The following LRMDA variants were observed in gnomAD, a reference collection of about 807,000 sequenced individuals.
LRMDA encodes the protein leucine-rich melanocyte differentiation-associated protein.
LRMDA carries 18 observed loss-of-function variants against 29.8 expected under a neutral mutation model. The observed-to-expected ratio is 0.60, with a 90% CI of 0.42 to 0.90. The LOEUF is 0.90. LRMDA is among the 40% of genes least tolerant of loss of function. The pLI is 0.00. For synonymous variants in LRMDA, 125 were observed against 109.4 expected (o/e 1.14, Z -0.89); for missense variants, 273 against 273.9 (o/e 1.00, Z 0.02).
intron 2 of LRMDA, among the ~76,000 whole-genome samples, chr10:75,925,164 G>A (rs1846098886): frequency 6.6e-6 from 1 of 152,176 alleles, no homozygotes; most frequent in Non-Finnish European, 1.5e-5. Context: ...CTTTAGCTAT[G>A]TAAGAGGATT....
chr10:75,663,870 ACT>A (rs1226077469), intron 2 of LRMDA, among the ~76,000 whole-genome samples: 1 of 152,096 alleles, frequency 6.6e-6, no homozygotes, highest in Admixed American at 6.5e-5. Flanking sequence ...CATGGCGAGG[ACT>A]GCTGGGGAGC....
At chr10:75,811,786 TC>T (rs1197716761) in intron 2 of LRMDA, among the ~76,000 whole-genome samples, 1 of 152,174 alleles carries the variant, frequency 6.6e-6, no homozygotes, top group Non-Finnish European at 1.5e-5. Flanking sequence ...ACACGGCAAA[TC>T]CACTTGCTGT....
chr10:76,229,149 A>G (rs1852013611), intron 5 of LRMDA, among the ~76,000 whole-genome samples: 2 of 152,216 alleles, frequency 1.3e-5, no homozygotes, highest in South Asian at 4.1e-4. Context: ...TATACCAAGT[A>G]TGTCTTTGTT....
At chr10:75,607,265 C>T (rs539584847) in intron 2 of LRMDA, among the ~76,000 whole-genome samples, 2 of 152,322 alleles carry the variant, frequency 1.3e-5, no homozygotes, top group South Asian at 4.1e-4. Context: ...TATTTATGAA[C>T]AAGGCCTTTC....
intron 2 of LRMDA, among the ~76,000 whole-genome samples, chr10:75,740,131 T>C (rs1339490000): frequency 6.6e-6 from 1 of 152,232 alleles, no homozygotes; most frequent in Non-Finnish European, 1.5e-5. Flanking sequence ...AATGCATACA[T>C]TTCTGAAATA....
intron 6 of LRMDA, among the ~76,000 whole-genome samples, chr10:76,329,357 A>G (rs973566196): frequency 2.0e-5 from 3 of 152,250 alleles, no homozygotes; most frequent in Admixed American, 6.5e-5. Context: ...GTCTGCACGC[A>G]CATTTTGCAA....
chr10:75,684,279 A>G (rs912675560), intron 2 of LRMDA, among the ~76,000 whole-genome samples: 2 of 152,168 alleles, frequency 1.3e-5, no homozygotes, highest in South Asian at 4.1e-4. Flanking sequence ...CTGTAGGCTG[A>G]GTTAGGTCAG....
intron 2 of LRMDA, among the ~76,000 whole-genome samples, chr10:75,775,219 TCAAA>T (rs916096868): frequency 9.8e-5 from 15 of 152,346 alleles, no homozygotes; most frequent in African/African-American, 3.6e-4. Context: ...TTGGTCTGAC[TCAAA>T]CAAGCATTGG....
chr10:75,833,438 C>T (rs1844380906), intron 2 of LRMDA, among the ~76,000 whole-genome samples: 1 of 148,252 alleles, frequency 6.7e-6, no homozygotes, highest in Non-Finnish European at 1.5e-5. Context: ...GGAGCCTTTT[C>T]CTCCTTTGAT....
intron 2 of LRMDA, among the ~76,000 whole-genome samples, chr10:75,661,271 C>T (rs866570248): frequency 3.3e-5 from 5 of 152,130 alleles, no homozygotes; most frequent in Non-Finnish European, 7.4e-5. Flanking sequence ...CTGCACGCCT[C>T]GACTCTCGAA....
intron 2 of LRMDA, among the ~76,000 whole-genome samples, chr10:75,748,860 CA>C (rs1200472539): frequency 6.6e-6 from 1 of 152,016 alleles, no homozygotes; most frequent in African/African-American, 2.4e-5. Flanking sequence ...ATAATTAGGA[CA>C]AATACTAGTT....
chr10:76,122,987 A>G (rs770426977), intron 5 of LRMDA, among the ~76,000 whole-genome samples: 26 of 152,100 alleles, frequency 1.7e-4, no homozygotes, highest in Non-Finnish European at 2.2e-4. Context: ...GGATTCCCAG[A>G]TCTGGGCATT....
At chr10:75,804,468 C>G (rs1843813049) in intron 2 of LRMDA, among the ~76,000 whole-genome samples, 3 of 152,202 alleles carry the variant, frequency 2.0e-5, no homozygotes, top group Non-Finnish European at 4.4e-5. Context: ...AAAAATCAGG[C>G]CTGCCGATGT....
intron 6 of LRMDA, among the ~76,000 whole-genome samples, chr10:76,428,375 C>G (rs1440785767): frequency 6.6e-6 from 1 of 152,084 alleles, no homozygotes; most frequent in Non-Finnish European, 1.5e-5. Context: ...GATGCTGGCT[C>G]AGGCCCATCT....
intron 2 of LRMDA, among the ~76,000 whole-genome samples, chr10:75,878,253 G>T (rs542762790): frequency 4.0e-5 from 6 of 151,838 alleles, no homozygotes; most frequent in African/African-American, 1.5e-4. Flanking sequence ...ATTACATGTG[G>T]GATTGGAGGA....
chr10:75,845,744 G>A (rs1048519657), intron 2 of LRMDA, among the ~76,000 whole-genome samples: 1 of 152,158 alleles, frequency 6.6e-6, no homozygotes, highest in Non-Finnish European at 1.5e-5. Flanking sequence ...TGTCACACAG[G>A]GAGATCGGCT....
intron 2 of LRMDA, among the ~76,000 whole-genome samples, chr10:75,882,153 T>C (rs1379196959): frequency 6.6e-6 from 1 of 151,764 alleles, no homozygotes; most frequent in Non-Finnish European, 1.5e-5. Context: ...GAGGCCTGAG[T>C]GGTTGTTGAA....
intron 2 of LRMDA, among the ~76,000 whole-genome samples, chr10:75,664,652 A>G (rs1235207542): frequency 6.6e-6 from 1 of 152,146 alleles, no homozygotes; most frequent in African/African-American, 2.4e-5. Flanking sequence ...TTGGAGGAAG[A>G]GTTGGAAAAG....
chr10:75,714,997 C>A (rs1223697619), intron 2 of LRMDA, among the ~76,000 whole-genome samples: 1 of 151,984 alleles, frequency 6.6e-6, no homozygotes, highest in African/African-American at 2.4e-5. Context: ...TTTCTTTTTG[C>A]CTTTACTGGG....
Sources: gnomAD v4.1 joint callset for allele counts (sites outside exome capture counted in the v4.1 genomes callset) on GRCh38, gnomAD v4.1.1 for gene constraint, MANE v1.5 for transcripts, NCBI Gene and HGNC (gene_info 2026-07-23, HGNC 2026-07-21) for gene names.